The following TMEM131L variants were observed in gnomAD, a reference collection of about 807,000 sequenced individuals.
TMEM131L encodes the protein transmembrane protein 131-like.
In TMEM131L, 54 loss-of-function variants were observed where a neutral mutation model predicts 192.2. The observed-to-expected ratio is 0.28, with a 90% confidence interval of 0.23 to 0.35. TMEM131L has a LOEUF of 0.35. Ranked by LOEUF, TMEM131L falls within the 10% of genes least tolerant of loss-of-function variation. The probability of loss-of-function intolerance (pLI) is 1.00; values close to 1 mark genes in which losing one functional copy is unlikely to be tolerated. For missense variants in TMEM131L, 1,888 were observed against 1,972.9 expected (o/e 0.96, Z 0.82); for synonymous variants, 701 against 704.9 (o/e 0.99, Z 0.09).
chr4:153,608,091 A>G (rs1309878187), intron 25 of TMEM131L, among the ~76,000 whole-genome samples: 1 of 152,192 alleles, frequency 6.6e-6, no homozygotes, highest in Non-Finnish European at 1.5e-5. Flanking sequence ...ACCGCACTCC[A>G]GCCTGGGCAA....
intron 3 of TMEM131L, among the ~76,000 whole-genome samples, chr4:153,503,775 ATAAAAGTACTC>A (rs1294756306): frequency 6.6e-6 from 1 of 152,214 alleles, no homozygotes; most frequent in African/African-American, 2.4e-5. Flanking sequence ...GACACGGGTT[ATAAAAGTACTC>A]TAAAAGTGAT....
At chr4:153,510,811 A>G (rs1295194498) in intron 3 of TMEM131L, among the ~76,000 whole-genome samples, 2 of 151,844 alleles carry the variant, frequency 1.3e-5, no homozygotes, top group Non-Finnish European at 2.9e-5. Context: ...GCCTGAGCTT[A>G]GGGAGTTTGA....
intron 9 of TMEM131L, among the ~76,000 whole-genome samples, chr4:153,582,430 G>GTTTTTTTTTTTT (rs1561212531): frequency 1.3e-4 from 5 of 38,508 alleles, no homozygotes; most frequent in Admixed American, 2.7e-4. Context: ...GTTTTTTTTT[G>GTTTTTTTTTTTT]TTGTTTTTTT....
chr4:153,476,253 C>T (rs1334822399), intron 3 of TMEM131L, among the ~76,000 whole-genome samples: 1 of 152,166 alleles, frequency 6.6e-6, no homozygotes, highest in East Asian at 1.9e-4. Context: ...GCCACCACGC[C>T]TGGCCTGAAT....
At chr4:153,492,174 A>G in intron 3 of TMEM131L, among the ~76,000 whole-genome samples, 1 of 72,130 alleles carries the variant, frequency 1.4e-5, no homozygotes, top group Non-Finnish European at 4.0e-5. Context: ...GCTAATTATA[A>G]AAAAAAAAAA....
At chr4:153,556,808 G>A (rs914996868) in intron 5 of TMEM131L, among the ~76,000 whole-genome samples, 158 bp from the exon 6 acceptor site, 1 of 151,642 alleles carries the variant, frequency 6.6e-6, no homozygotes, top group Non-Finnish European at 1.5e-5. Flanking sequence ...ATAATTGGAT[G>A]CTGATCAGTT....
chr4:153,558,344 G>T lies in TMEM131L; in HGVS notation c.636G>T (p.Gln212His). 6.2e-7 allele frequency: 1 copy of T among 1,607,162 alleles called. No homozygotes were observed. The highest frequency in any genetic ancestry group is 1.1e-5 in the South Asian group (1 of 90,386). The stretch of plus-strand genomic sequence containing the variant: ...CTTATTTTCTGCTTCCAAAGGTCCA[G>T]AGCATTCAGCTGTCTCAAATGCAGG... ...PNAYFLLPKV[Q>H]SIQLSQMQAE... The change falls in exon 7 of 35, where the codon CAG becomes CAT. Residue 212 changes from glutamine (Q) to histidine (H), a missense_variant. By Grantham distance (24) the Gln-to-His change is conservative. Transcript: ENST00000409959.
At chr4:153,494,922 C>G (rs997471593) in intron 3 of TMEM131L, among the ~76,000 whole-genome samples, 2 of 152,172 alleles carry the variant, frequency 1.3e-5, no homozygotes, top group Non-Finnish European at 2.9e-5. Flanking sequence ...CCTTTACCTG[C>G]GTGATCCGGG....
At chr4:153,481,784 C>T (rs374616084) in intron 3 of TMEM131L, among the ~76,000 whole-genome samples, 8 of 152,168 alleles carry the variant, frequency 5.3e-5, no homozygotes, top group Non-Finnish European at 1.2e-4. Flanking sequence ...GTGATCCACC[C>T]GCCTTAGCCT....
At chr4:153,470,482 T>C (rs1417398579) in intron 2 of TMEM131L, among the ~76,000 whole-genome samples, 5 of 152,200 alleles carry the variant, frequency 3.3e-5, no homozygotes, top group African/African-American at 1.2e-4. Context: ...AATCATTTGG[T>C]GTAGGAACAT....
chr4:153,496,654 C>G (rs1733191872), intron 3 of TMEM131L, among the ~76,000 whole-genome samples: 1 of 152,018 alleles, frequency 6.6e-6, no homozygotes, highest in Non-Finnish European at 1.5e-5. Context: ...ACCTCTCAGG[C>G]TCAGGTGATC....
chr4:153,602,527 C>G lies in TMEM131L; in HGVS notation c.2454-15C>G, dbSNP rs898145484. 2.5e-6 allele frequency: 4 copies of G among 1,611,410 alleles called. No individual in the cohort carries two copies. The highest frequency in any genetic ancestry group is 1.3e-5 in the African/African-American group (1 of 74,796). ...AACAATTAAAAGTTCATAAAGATGA[C>G]TCTTTTATTTTCAGGTTCACTCCAG... is the stretch of plus-strand genomic sequence containing the variant. On this transcript the variant is annotated splice_polypyrimidine_tract_variant and intron_variant, in intron 22 of 34. Transcript: ENST00000409959.
chr4:153,550,268 G>A, intron 4 of TMEM131L, 127 bp downstream of exon 4: 1 of 461,802 alleles, frequency 2.2e-6, no homozygotes, highest in Non-Finnish European at 3.9e-6. Flanking sequence ...ATTGATCCTG[G>A]GACTTAAGAG....
intron 12 of TMEM131L, among the ~76,000 whole-genome samples, 163 bp from the exon 13 acceptor site, chr4:153,585,295 T>C (rs1013068349): frequency 6.6e-6 from 1 of 152,210 alleles, no homozygotes; most frequent in Non-Finnish European, 1.5e-5. Flanking sequence ...GCTCCCTATG[T>C]GAGCCAGAAG....
intron 7 of TMEM131L, among the ~76,000 whole-genome samples, chr4:153,564,083 G>A (rs1323667728): frequency 6.6e-6 from 1 of 151,870 alleles, no homozygotes; most frequent in African/African-American, 2.4e-5. Context: ...GAGGTCAGGA[G>A]TTCAAGACCA....
At chr4:153,467,352 C>A in intron 2 of TMEM131L, 71 bp downstream of exon 2, 1 of 1,329,504 alleles carries the variant, frequency 7.5e-7, no homozygotes, top group Non-Finnish European at 1.1e-6. Context: ...CCCCGGTCCT[C>A]CCCACCCCCT....
At chr4:153,559,382 G>A (rs976923984) in intron 7 of TMEM131L, among the ~76,000 whole-genome samples, 4 of 152,126 alleles carry the variant, frequency 2.6e-5, no homozygotes, top group East Asian at 1.9e-4. Flanking sequence ...AAACCAGGGG[G>A]CATGTGTTGA....
chr4:153,487,719 T>TGTGTGTGTGTGTGTGA (rs369094307), intron 3 of TMEM131L, among the ~76,000 whole-genome samples: 7 of 143,530 alleles, frequency 4.9e-5, no homozygotes, highest in African/African-American at 1.3e-4. Context: ...TGTGTGTGTG[T>TGTGTGTGTGTGTGTGA]GAGAGAGAGA....
At chr4:153,591,376 G>C (rs1241050627) in intron 17 of TMEM131L, among the ~76,000 whole-genome samples, 182 bp downstream of exon 17, 3 of 152,178 alleles carry the variant, frequency 2.0e-5, no homozygotes, top group Admixed American at 6.5e-5. Flanking sequence ...AATAGACTTT[G>C]AATTGAGTGT....
Sources: gnomAD v4.1 joint callset for allele counts (sites outside exome capture counted in the v4.1 genomes callset) on GRCh38, gnomAD v4.1.1 for gene constraint, MANE v1.5 for transcripts, NCBI Gene and HGNC (gene_info 2026-07-23, HGNC 2026-07-21) for gene names.